Variants in ANGPT2 observed in about 807,000 individuals in gnomAD.
ANGPT2 encodes the protein angiopoietin-2.
Under a neutral mutation model 62.9 loss-of-function variants are expected in ANGPT2, and 28 were observed. That is an observed-to-expected ratio of 0.44 (90% CI 0.33 to 0.61). The LOEUF is 0.61. ANGPT2 is among the 20% of genes least tolerant of loss of function. The pLI, the probability that ANGPT2 is intolerant of heterozygous loss-of-function variation, is 0.03. For missense variants in ANGPT2, 727 were observed against 594.9 expected (o/e 1.22, Z -2.31); for synonymous variants, 284 against 207.8 (o/e 1.37, Z -3.15).
chr8:6,510,271 A>G (rs1363603674), intron 7 of ANGPT2, among the ~76,000 whole-genome samples: 1 of 151,922 alleles, frequency 6.6e-6, no homozygotes, highest in Non-Finnish European at 1.5e-5. Flanking sequence ...GGGGTATGCC[A>G]TGTTGGCACG....
chr8:6,524,904 T>A (rs116677878), intron 3 of ANGPT2, among the ~76,000 whole-genome samples: 2,244 of 152,324 alleles, frequency 0.015, 65 homozygotes, highest in African/African-American at 0.052. Context: ...AGCCTTAGGC[T>A]GGGAATCCCA....
Position 6,527,557 on chromosome 8 carries a change from G to A in ANGPT2, c.564C>T (p.Asn188=). ...AAATGTTTTAGTACTGTTATTACCT[G>A]TTCTTATCTTGCAATTTGTTTATTT... ...TSEINKLQDK[N]SFLEKKVLAM... The change falls in exon 3 of 9, where the codon AAC becomes AAT. Residue 188 remains asparagine (N), a splice_region_variant and synonymous_variant. Coordinates refer to ENST00000629816, the MANE Select transcript of ANGPT2 (RefSeq NM_001118887.2). 1.2e-6 allele frequency: 2 copies of A among 1,613,520 alleles called. No homozygotes were observed. The highest frequency in any genetic ancestry group is 1.7e-6 in the Non-Finnish European group (2 of 1,179,778).
intron 1 of ANGPT2, among the ~76,000 whole-genome samples, chr8:6,553,150 C>T (rs1027204582): frequency 1.3e-5 from 2 of 152,126 alleles, no homozygotes; most frequent in South Asian, 4.2e-4. Flanking sequence ...CAGTGCACCA[C>T]TCTGGTGCAG....
At position 6,504,514 on chromosome 8, in the gene ANGPT2, A is replaced by T. The variant is rs182789863; in HGVS notation, c.1328-1253T>A. On this transcript the variant is annotated intron_variant, in intron 8 of 8. Transcript: ENST00000629816. ...TGGTTATTAGATCGATTGTCACAGTATCGCAGTGCTTATGTTCAAGTAACG... is the reference window on the plus strand; with the variant it reads ...TGGTTATTAGATCGATTGTCACAGTTTCGCAGTGCTTATGTTCAAGTAACG... Among the ~76,000 whole-genome samples, 265 of 152,224 alleles carry T rather than the reference A, an allele frequency of 1.7e-3. 3 individuals are homozygous for T. Among genetic ancestry groups the T allele is most frequent in the South Asian group, 6.2e-3 (30 of 4,822 alleles).
At chr8:6,528,013 A>C (rs1818705645) in intron 2 of ANGPT2, among the ~76,000 whole-genome samples, 1 of 150,368 alleles carries the variant, frequency 6.7e-6, no homozygotes, top group African/African-American at 2.4e-5. Context: ...CTTCTGCCTC[A>C]TTCTCCCCAG....
chr8:6,533,573 T>TTC (rs1174776541), intron 1 of ANGPT2, among the ~76,000 whole-genome samples: 2 of 123,864 alleles, frequency 1.6e-5, no homozygotes, highest in African/African-American at 3.3e-5. Context: ...TAGTTTCTTT[T>TTC]TTTTTTTTTT....
chr8:6,534,393 G>T (rs1339459246), intron 1 of ANGPT2, among the ~76,000 whole-genome samples: 1 of 152,134 alleles, frequency 6.6e-6, no homozygotes, highest in Non-Finnish European at 1.5e-5. Context: ...CTTGAGCACC[G>T]TGGATTTTGG....
intron 1 of ANGPT2, among the ~76,000 whole-genome samples, chr8:6,533,258 A>G (rs1042918617): frequency 2.6e-5 from 4 of 152,228 alleles, no homozygotes; most frequent in Non-Finnish European, 4.4e-5. Context: ...ACTGAAACAC[A>G]AGAGAAGGAA....
intron 1 of ANGPT2, among the ~76,000 whole-genome samples, chr8:6,558,047 G>A (rs1300216553): frequency 6.6e-6 from 1 of 152,086 alleles, no homozygotes; most frequent in East Asian, 1.9e-4. Flanking sequence ...CGCACCTTTA[G>A]TTACCTCAGT....
chr8:6,525,614 C>G (rs1818189152), intron 3 of ANGPT2, among the ~76,000 whole-genome samples: 2 of 152,186 alleles, frequency 1.3e-5, no homozygotes, highest in African/African-American at 2.4e-5. Context: ...ATGTGAAACA[C>G]CATTTGCATA....
chr8:6,553,288 C>T (rs558827968), intron 1 of ANGPT2, among the ~76,000 whole-genome samples: 1 of 152,110 alleles, frequency 6.6e-6, no homozygotes, highest in Non-Finnish European at 1.5e-5. Flanking sequence ...TTTAAAAAAT[C>T]ATTTACTACA....
Position 6,500,029 on chromosome 8 carries a change from C to G in ANGPT2, c.*3072G>C. The G allele has an allele frequency of 1.1e-6, 1 of 923,732 alleles. No homozygotes were observed. Among genetic ancestry groups the G allele is most frequent in the Non-Finnish European group, 1.8e-6 (1 of 560,556 alleles). 57.2% of individuals were successfully genotyped at this position (923,732 alleles called of 1,614,324 possible). ...ACTTAAGTTTTTATCCAGTCAAGCA[C>G]AATTATGCCCATAATTAAAAAGACA... On this transcript the variant is annotated 3_prime_UTR_variant, in exon 9 of 9. Transcript: ENST00000629816.
chr8:6,543,055 G>GC (rs1821897468), intron 1 of ANGPT2, among the ~76,000 whole-genome samples: 1 of 152,174 alleles, frequency 6.6e-6, no homozygotes, highest in African/African-American at 2.4e-5. Context: ...CAGCAGGGCT[G>GC]TGCGTGCCCT....
At chr8:6,513,596 G>A in intron 7 of ANGPT2, 82 bp downstream of exon 7, 2 of 1,204,704 alleles carry the variant, frequency 1.7e-6, no homozygotes, top group Non-Finnish European at 2.3e-6. Context: ...GCCTCCCAAA[G>A]TGCTGGGATT....
chr8:6,500,677 C>T lies in ANGPT2; in HGVS notation c.*2424G>A, dbSNP rs1261642191. On this transcript the variant is annotated 3_prime_UTR_variant, in exon 9 of 9. Transcript: ENST00000629816. Reference sequence around the variant, plus strand: ...TGTTTTGTTTTCATTTTTAAGATTACTGTTTGATTTCCTTTCAGCTTTATA... The same window carrying T: ...TGTTTTGTTTTCATTTTTAAGATTATTGTTTGATTTCCTTTCAGCTTTATA... The T allele has an allele frequency of 1.3e-5, 2 of 152,134 alleles. No individual in the cohort carries two copies. Among genetic ancestry groups the T allele is most frequent in the African/African-American group, 4.8e-5 (2 of 41,432 alleles). 9.4% of individuals were successfully genotyped at this position (152,134 alleles called of 1,614,324 possible).
At chr8:6,552,374 A>G (rs1161813307) in intron 1 of ANGPT2, among the ~76,000 whole-genome samples, 2 of 152,242 alleles carry the variant, frequency 1.3e-5, no homozygotes, top group African/African-American at 2.4e-5. Flanking sequence ...AGAGGCACTC[A>G]TGCAATATGC....
At chr8:6,539,852 G>T (rs574430731) in intron 1 of ANGPT2, among the ~76,000 whole-genome samples, 1 of 152,222 alleles carries the variant, frequency 6.6e-6, no homozygotes, top group African/African-American at 2.4e-5. Flanking sequence ...CTCCCAAAGT[G>T]CTAGGATTAC....
rs1183058968 is a variant in ANGPT2, at chr8:6,505,249, C to A, written c.1328-1988G>T. On this transcript the variant is annotated intron_variant, in intron 8 of 8. Transcript: ENST00000629816. The stretch of plus-strand genomic sequence containing the variant: ...CTTATGTATATATAGAATATATATT[C>A]TTTATATATGTTTTATATATATGTA... Among the ~76,000 whole-genome samples the A allele has an allele frequency of 4.8e-3, 78 of 16,272 alleles. 10 individuals are homozygous for A. The highest frequency in any genetic ancestry group is 9.7e-3 in the African/African-American group (56 of 5,774). 10.7% of individuals were successfully genotyped at this position (16,272 alleles called of 152,430 possible).
intron 5 of ANGPT2, among the ~76,000 whole-genome samples, chr8:6,516,603 C>T (rs1157009226): frequency 6.6e-6 from 1 of 152,216 alleles, no homozygotes; most frequent in East Asian, 1.9e-4. Flanking sequence ...CTGCTCACTT[C>T]TATCAATATT....
Sources: gnomAD v4.1 joint callset for allele counts (sites outside exome capture counted in the v4.1 genomes callset) on GRCh38, gnomAD v4.1.1 for gene constraint, MANE v1.5 for transcripts, NCBI Gene and HGNC (gene_info 2026-07-23, HGNC 2026-07-21) for gene names.